Variants in MYBPHL observed in about 807,000 individuals in gnomAD.
The protein encoded by MYBPHL is myosin-binding protein H-like.
Under a neutral mutation model 39.5 loss-of-function variants are expected in MYBPHL, and 32 were observed. That is an observed-to-expected ratio of 0.81 (90% CI 0.61 to 1.09). The LOEUF (loss-of-function observed/expected upper bound fraction) is 1.09, where lower values mean the gene tolerates loss of function less well. MYBPHL is among the 50% of genes least tolerant of loss of function. The pLI, the probability that MYBPHL is intolerant of heterozygous loss-of-function variation, is 0.00. For synonymous variants in MYBPHL, 196 were observed against 183.7 expected (o/e 1.07, Z -0.54); for missense variants, 456 against 460.2 (o/e 0.99, Z 0.08).
In MYBPHL at chr1:109,297,583, T is replaced by C; in HGVS notation, c.269A>G (p.Asp90Gly). Residue 90 changes from aspartate (D) to glycine (G), a missense_variant, in exon 3 of 9, where the codon GAT becomes GGT. Physicochemically the swap from Asp to Gly is moderately conservative, Grantham distance 94. Transcript: ENST00000357155. ...ACGCCTGGTGTCCAAGGCACAGCCATCATGTGTCCAGATGGCTTGAGGTTT... is the reference window on the plus strand; with the variant it reads ...ACGCCTGGTGTCCAAGGCACAGCCACCATGTGTCCAGATGGCTTGAGGTTT... ...KPKPQAIWTH[D>G]GCALDTRRVS... 6.2e-7 allele frequency: 1 copy of C among 1,613,770 alleles called. No homozygotes were observed. The highest frequency in any genetic ancestry group is 8.5e-7 in the Non-Finnish European group (1 of 1,180,006).
intron 5 of MYBPHL, 127 bp downstream of exon 5, chr1:109,296,656 C>T: frequency 8.7e-7 from 1 of 1,155,950 alleles, no homozygotes; most frequent in Non-Finnish European, 1.3e-6. Context: ...CCAGGCTGGT[C>T]TTGAACTCCT....
chr1:109,292,845 T>C (rs766325549), intron 8 of MYBPHL: 11 of 152,246 alleles, frequency 7.2e-5, no homozygotes, highest in Admixed American at 3.9e-4. Context: ...CACTGGGAAC[T>C]TGTTCTCTTT....
At position 109,297,144 on chromosome 1, in the gene MYBPHL, C is replaced by T. The variant is rs913353518; in HGVS notation, c.476G>A (p.Gly159Asp). Residue 159 changes from glycine to aspartate, a missense_variant, in exon 4 of 9, where the codon GGC (glycine) becomes GAC (aspartate). By Grantham distance (94) the Gly-to-Asp change is moderately conservative. Coordinates refer to ENST00000357155, the MANE Select transcript of MYBPHL (RefSeq NM_001010985.3). The stretch of plus-strand genomic sequence containing the variant: ...TGTCCATTCCAGTGTAGCGCTGAAG[C>T]CCCAAACGTCCACCAGCTTAATACT... Reference protein sequence around the residue: ...PQSIKLVDVWGFSATLEWTPP... With the variant: ...PQSIKLVDVWDFSATLEWTPP... The T allele has an allele frequency of 6.2e-7, 1 of 1,614,194 alleles. No homozygotes were observed.
chr1:109,293,674 AGCTTGCAGTG>A (rs907004046), intron 8 of MYBPHL, among the ~76,000 whole-genome samples: 1 of 151,926 alleles, frequency 6.6e-6, no homozygotes, highest in African/African-American at 2.4e-5. Flanking sequence ...CGGCAGGCAG[AGCTTGCAGTG>A]AGCCGAGATA....
In MYBPHL at chr1:109,305,185, A is replaced by C. The variant is rs143217193; in HGVS notation, c.145+1662T>G. ...TATCCACCAAAAGGTTAAGACCCTG[A>C]TTTGGTTCAACTCCTCAATTTACAG... On this transcript the variant is annotated intron_variant, in intron 1 of 8. Transcript: ENST00000357155. Among the ~76,000 whole-genome samples, 473 of 152,302 alleles carry C rather than the reference A, an allele frequency of 3.1e-3. 1 individual carries two copies. Among genetic ancestry groups the C allele is most frequent in the Non-Finnish European group, 5.5e-3 (375 of 68,020 alleles).
At chr1:109,295,050 C>G (rs1658005925) in intron 7 of MYBPHL, 61 bp downstream of exon 7, 5 of 1,568,664 alleles carry the variant, frequency 3.2e-6, no homozygotes, top group Non-Finnish European at 4.4e-6. Flanking sequence ...CCTGACTCTT[C>G]CACCGGTGGA....
chr1:109,294,724 T>C (rs1156441865), intron 7 of MYBPHL, among the ~76,000 whole-genome samples: 1 of 152,132 alleles, frequency 6.6e-6, no homozygotes, highest in African/African-American at 2.4e-5. Context: ...GCAGCTTTCC[T>C]AGGCTGAGTC....
intron 6 of MYBPHL, among the ~76,000 whole-genome samples, chr1:109,295,902 A>G (rs1414030817): frequency 6.6e-6 from 1 of 152,136 alleles, no homozygotes; most frequent in Non-Finnish European, 1.5e-5. Context: ...CACGGCCCTG[A>G]TGGGATGAGG....
chr1:109,305,784 A>C (rs593442), intron 1 of MYBPHL, among the ~76,000 whole-genome samples: 149,596 of 152,354 alleles, frequency 0.98, 73,496 homozygotes, highest in Middle Eastern at 1. Context: ...AGGCAGACAG[A>C]GTCTGCTGCA....
chr1:109,296,439 G>A (rs878975419), intron 5 of MYBPHL, 69 bp from the exon 6 acceptor site: 18 of 1,476,148 alleles, frequency 1.2e-5, no homozygotes, highest in Non-Finnish European at 1.7e-5. Flanking sequence ...TTTATCCTTA[G>A]TATTTTTTTT....
intron 1 of MYBPHL, among the ~76,000 whole-genome samples, chr1:109,302,047 ATG>A (rs918517891): frequency 1.3e-5 from 2 of 151,370 alleles, no homozygotes; most frequent in African/African-American, 4.9e-5. Flanking sequence ...GTGTGTATGT[ATG>A]TGTGTGTGAG....
At position 109,297,419 on chromosome 1, in the gene MYBPHL, T is replaced by G; in HGVS notation, c.430+3A>C. On this transcript the variant is annotated splice_donor_region_variant and intron_variant, in intron 3 of 8. Transcript: ENST00000357155. ...CCCCCATCTCCCACTTCCCCCACCG[T>G]ACCAATCACCAGGATGTCAATGGTG... is the stretch of plus-strand genomic sequence containing the variant. 6.2e-7 allele frequency: 1 copy of G among 1,610,922 alleles called. No individual in the cohort carries two copies. The highest frequency in any genetic ancestry group is 8.5e-7 in the Non-Finnish European group (1 of 1,178,936).
chr1:109,297,254 G>A lies in MYBPHL; in HGVS notation c.431-65C>T, dbSNP rs913820176. The stretch of plus-strand genomic sequence containing the variant: ...CACATGCATTGAAGTCACTTCAGGA[G>A]TGCCCTAGCCCCTTTTTCTCCTCAG... On this transcript the variant is annotated intron_variant, in intron 3 of 8. Transcript: ENST00000357155. 20 of 1,610,876 alleles carry A rather than the reference G, an allele frequency of 1.2e-5. No individual in the cohort carries two copies. In the East Asian group the frequency reaches 4.2e-4, roughly 34 times the overall value.
chr1:109,293,570 C>T (rs548785171), intron 8 of MYBPHL, among the ~76,000 whole-genome samples: 5 of 150,996 alleles, frequency 3.3e-5, no homozygotes, highest in South Asian at 2.1e-4. Flanking sequence ...AGTGAAACCC[C>T]GTCTCTACTA....
Position 109,298,157 on chromosome 1 carries a change from T to C in MYBPHL, c.234+12A>G, listed in dbSNP as rs1658152813. The C allele has an allele frequency of 1.2e-6, 2 of 1,600,250 alleles. No homozygotes were observed. The highest frequency in any genetic ancestry group is 1.7e-6 in the Non-Finnish European group (2 of 1,174,102). ...CCCAGACATGGACCCAGTATGGGGCTGGCATGATCACCTGGAATGGGATTA... is the reference window on the plus strand; with the variant it reads ...CCCAGACATGGACCCAGTATGGGGCCGGCATGATCACCTGGAATGGGATTA... On this transcript the variant is annotated intron_variant, in intron 2 of 8. Coordinates refer to ENST00000357155, the MANE Select transcript of MYBPHL (RefSeq NM_001010985.3).
In MYBPHL at chr1:109,297,358, C is replaced by T. The variant is rs546545457; in HGVS notation, c.430+64G>A. The T allele has an allele frequency of 7.0e-6, 11 of 1,566,582 alleles. No homozygotes were observed. The East Asian group carries it at 9.0e-5, about 13-fold the overall frequency. ...CAGCTTCCCCAGCTCTCTGAGCTGG[C>T]TCCTCTTCAGCCTGGAGAGGGAGTT... On this transcript the variant is annotated intron_variant, in intron 3 of 8. Coordinates refer to ENST00000357155, the MANE Select transcript of MYBPHL (RefSeq NM_001010985.3).
At chr1:109,293,716 G>C (rs1022225973) in intron 8 of MYBPHL, among the ~76,000 whole-genome samples, 3 of 149,044 alleles carry the variant, frequency 2.0e-5, no homozygotes, top group South Asian at 2.1e-4. Context: ...CTCCGGCCTG[G>C]GCGACAAAGC....
intron 8 of MYBPHL, 75 bp downstream of exon 8, chr1:109,294,131 C>A: frequency 2.0e-6 from 2 of 997,826 alleles, no homozygotes; most frequent in East Asian, 4.8e-5. Flanking sequence ...AGGAATGCAC[C>A]TCTGTCCCTG....
intron 3 of MYBPHL, 31 bp downstream of exon 3, chr1:109,297,391 A>ACC: frequency 1.3e-6 from 2 of 1,591,906 alleles, no homozygotes; most frequent in Non-Finnish European, 1.7e-6. Context: ...GTTCCTGAGG[A>ACC]CCCCCCCATC....
Sources: allele counts gnomAD v4.1 joint callset (sites outside exome capture counted in the v4.1 genomes callset), GRCh38; gene constraint gnomAD v4.1.1; transcripts MANE v1.5; gene names NCBI Gene and HGNC (gene_info 2026-07-23, HGNC 2026-07-21).